GRID2: variants seen among roughly 807,000 people sequenced by gnomAD.
GRID2 encodes glutamate ionotropic receptor delta type subunit 2, also known as glutamate receptor ionotropic, delta-2.
In GRID2, 33 loss-of-function variants were observed where a neutral mutation model predicts 114.8. The observed-to-expected ratio is 0.29, with a 90% CI of 0.22 to 0.38. GRID2 has a LOEUF of 0.38. Among genes scored for constraint, GRID2 ranks in the 10% least tolerant of loss-of-function variants. GRID2 has a pLI of 1.00. For synonymous variants in GRID2, 505 were observed against 449.9 expected (o/e 1.12, Z -1.55); for missense variants, 1,184 against 1,257.7 (o/e 0.94, Z 0.89).
chr4:92,462,709 TA>T (rs200939666), intron 1 of GRID2, among the ~76,000 whole-genome samples: 5 of 151,126 alleles, frequency 3.3e-5, no homozygotes, highest in Non-Finnish European at 5.9e-5. Context: ...GTGATCGGTT[TA>T]AAAAAAAAGT....
chr4:93,582,195 T>C (rs1737049523), intron 13 of GRID2, among the ~76,000 whole-genome samples: 1 of 152,116 alleles, frequency 6.6e-6, no homozygotes, highest in Non-Finnish European at 1.5e-5. Context: ...CTTTTTCAGC[T>C]CCTACAAGTC....
At chr4:93,699,087 C>T (rs576847470) in intron 14 of GRID2, among the ~76,000 whole-genome samples, 27 of 152,190 alleles carry the variant, frequency 1.8e-4, no homozygotes, top group African/African-American at 6.5e-4. Flanking sequence ...TCCTCAACAT[C>T]TGTTGCTGTT....
At chr4:92,880,677 AAAAC>A (rs1156590076) in intron 2 of GRID2, among the ~76,000 whole-genome samples, 1 of 152,186 alleles carries the variant, frequency 6.6e-6, no homozygotes, top group Non-Finnish European at 1.5e-5. Context: ...CAAAAAAACA[AAAAC>A]AAATAAGAAA....
intron 14 of GRID2, among the ~76,000 whole-genome samples, chr4:93,703,153 A>G (rs1476074325): frequency 1.3e-5 from 2 of 152,102 alleles, no homozygotes; most frequent in African/African-American, 2.4e-5. Context: ...ATTCATGTTA[A>G]TTTACCGTTT....
intron 13 of GRID2, among the ~76,000 whole-genome samples, chr4:93,575,858 A>G (rs773669523): frequency 6.6e-5 from 10 of 152,118 alleles, no homozygotes; most frequent in Non-Finnish European, 1.3e-4. Context: ...AATAAATTCT[A>G]TATTTTAGCA....
At chr4:92,661,063 C>G (rs894787535) in intron 2 of GRID2, among the ~76,000 whole-genome samples, 1 of 150,576 alleles carries the variant, frequency 6.6e-6, no homozygotes, top group African/African-American at 2.4e-5. Flanking sequence ...TTAAAATAAC[C>G]GTGGGCAGAG....
intron 12 of GRID2, among the ~76,000 whole-genome samples, chr4:93,502,106 G>A (rs139897871): frequency 3.0e-4 from 45 of 152,216 alleles, no homozygotes; most frequent in African/African-American, 1.1e-3. Context: ...TGAAATTAAT[G>A]TGGGAAGAGT....
chr4:92,460,618 T>G (rs1721449437), intron 1 of GRID2, among the ~76,000 whole-genome samples: 1 of 152,152 alleles, frequency 6.6e-6, no homozygotes, highest in Admixed American at 6.6e-5. Flanking sequence ...ACTTTTAGTG[T>G]AAATATAGTT....
intron 2 of GRID2, among the ~76,000 whole-genome samples, chr4:92,915,009 G>C (rs1748673266): frequency 6.6e-6 from 1 of 152,160 alleles, no homozygotes; most frequent in South Asian, 2.1e-4. Context: ...TTGACTCACA[G>C]TCCAGCATGG....
In GRID2 at chr4:93,462,987, A is replaced by G. The variant is rs147762106; in HGVS notation, c.1858+7013A>G. On this transcript the variant is annotated intron_variant, in intron 11 of 15. Transcript: ENST00000282020. ...AGGTTTTTTTCTACATTGTGTTCTT[A>G]CAGGTATTAAATTAAAACAGCTCTC... is the stretch of plus-strand genomic sequence containing the variant. Among the ~76,000 whole-genome samples, 57 of 152,280 alleles carry G rather than the reference A, an allele frequency of 3.7e-4. No individual in the cohort carries two copies. In the East Asian group the frequency reaches 0.01, roughly 28 times the overall value.
chr4:92,927,909 C>G (rs1056039241), intron 2 of GRID2, among the ~76,000 whole-genome samples: 2 of 151,598 alleles, frequency 1.3e-5, no homozygotes, highest in Non-Finnish European at 3.0e-5. Context: ...TTGAGGATCT[C>G]AAATCTGAAA....
chr4:92,907,921 G>A (rs915765542), intron 2 of GRID2, among the ~76,000 whole-genome samples: 1 of 152,056 alleles, frequency 6.6e-6, no homozygotes, highest in African/African-American at 2.4e-5. Context: ...TACTCAGGAG[G>A]CTGAGGCAGG....
chr4:93,741,172 TAC>T (rs1420047257), intron 14 of GRID2, among the ~76,000 whole-genome samples: 15,024 of 46,160 alleles, frequency 0.33, 2,690 homozygotes, highest in African/African-American at 0.53. Flanking sequence ...TATATATATA[TAC>T]ATATATATAT....
At chr4:93,440,726 A>G (rs368165395) in intron 10 of GRID2, among the ~76,000 whole-genome samples, 3 of 152,254 alleles carry the variant, frequency 2.0e-5, no homozygotes, top group African/African-American at 7.2e-5. Context: ...CTGTGAAAGG[A>G]AATAAATTAT....
intron 2 of GRID2, among the ~76,000 whole-genome samples, chr4:92,834,963 T>G (rs996099563): frequency 6.6e-6 from 1 of 152,168 alleles, no homozygotes; most frequent in Non-Finnish European, 1.5e-5. Context: ...TGAGACCCTG[T>G]TTCCTCAATT....
At chr4:93,614,201 G>A (rs145471203) in intron 13 of GRID2, among the ~76,000 whole-genome samples, 1,701 of 152,300 alleles carry the variant, frequency 0.011, 17 homozygotes, top group African/African-American at 0.038. Flanking sequence ...ACTGGCCTGC[G>A]CCCACTGTCT....
intron 1 of GRID2, among the ~76,000 whole-genome samples, chr4:92,586,040 G>GT (rs1256319790): frequency 8.1e-6 from 1 of 123,390 alleles, no homozygotes; most frequent in Non-Finnish European, 1.7e-5. Flanking sequence ...CTAATTTAAT[G>GT]TTAAAAAGAT....
At chr4:93,247,498 G>T (rs1748341674) in intron 8 of GRID2, among the ~76,000 whole-genome samples, 2 of 152,142 alleles carry the variant, frequency 1.3e-5, no homozygotes, top group Middle Eastern at 3.4e-3. Context: ...GGGCACTCCT[G>T]GTTCTCAGGC....
chr4:92,618,921 T>C (rs1730138885), intron 2 of GRID2, among the ~76,000 whole-genome samples: 1 of 151,754 alleles, frequency 6.6e-6, no homozygotes, highest in Non-Finnish European at 1.5e-5. Context: ...TTCTGAGAGA[T>C]TTTGTGTAGT....
Sources: allele counts gnomAD v4.1 joint callset (sites outside exome capture counted in the v4.1 genomes callset), GRCh38; gene constraint gnomAD v4.1.1; transcripts MANE v1.5; gene names NCBI Gene and HGNC (gene_info 2026-07-23, HGNC 2026-07-21).